The following PRUNE2 variants were observed in gnomAD, a reference collection of about 807,000 sequenced individuals.
PRUNE2 encodes the protein protein prune homolog 2.
A neutral mutation model predicts 252.0 loss-of-function variants in PRUNE2; 164 were observed. The observed-to-expected ratio is 0.65, with a 90% CI of 0.57 to 0.74. The LOEUF is 0.74. PRUNE2 is among the 30% of genes least tolerant of loss of function. PRUNE2 has a pLI of 0.00. For synonymous variants in PRUNE2, 1,292 were observed against 1,350.2 expected (o/e 0.96, Z 0.94); for missense variants, 3,495 against 3,711.0 (o/e 0.94, Z 1.51).
intron 12 of PRUNE2, among the ~76,000 whole-genome samples, chr9:76,640,894 A>G (rs1842305050): frequency 6.6e-6 from 1 of 152,240 alleles, no homozygotes; most frequent in Non-Finnish European, 1.5e-5. Context: ...AAATGTAGCA[A>G]TCTGGCTCCA....
At chr9:76,732,079 C>T (rs1330445525) in intron 6 of PRUNE2, among the ~76,000 whole-genome samples, 1 of 152,162 alleles carries the variant, frequency 6.6e-6, no homozygotes, top group Non-Finnish European at 1.5e-5. Context: ...CTTTGGAAGG[C>T]CGAGGCGGGT....
chr9:76,833,085 T>G (rs1047812287), intron 4 of PRUNE2, among the ~76,000 whole-genome samples: 4 of 152,100 alleles, frequency 2.6e-5, no homozygotes, highest in African/African-American at 9.6e-5. Flanking sequence ...TCCCAAAGAA[T>G]AGAAAATGAG....
chr9:76,805,472 T>C lies in PRUNE2; in HGVS notation c.756+18160A>G, dbSNP rs569830599. On this transcript the variant is annotated intron_variant, in intron 6 of 18. Coordinates refer to ENST00000376718, the MANE Select transcript of PRUNE2 (RefSeq NM_015225.3). ...CTCATCCCTACAAATAATTTTTTTT[T>C]AATTAGCTGCTACTCAGAAGGTTGA... Among the ~76,000 whole-genome samples, 9 of 152,220 alleles carry C rather than the reference T, an allele frequency of 5.9e-5. No homozygotes were observed. The South Asian group carries it at 1.7e-3, about 28-fold the overall frequency.
At chr9:76,883,388 G>C (rs1267775209) in intron 1 of PRUNE2, among the ~76,000 whole-genome samples, 1 of 152,150 alleles carries the variant, frequency 6.6e-6, no homozygotes, top group Non-Finnish European at 1.5e-5. Context: ...TTCATTATTT[G>C]TTCTCTCTAC....
rs1292427947 is a variant in PRUNE2 at position 76,710,205 on chromosome 9, T to A, written c.2069A>T (p.Lys690Met). ...FQSPESWKEHKPSSIDRRASD... is the reference protein window; with the variant it reads ...FQSPESWKEHMPSSIDRRASD... ...GGCTCTCCTATCAATGGAGCTTGGC[T>A]TATGCTCTTTCCATGATTCAGGGCT... is the stretch of plus-strand genomic sequence containing the variant. Residue 690 changes from lysine to methionine, a missense_variant, in exon 8 of 19, where the codon AAG (lysine) becomes ATG (methionine). Transcript: ENST00000376718. 3 of 1,613,876 alleles carry A rather than the reference T, an allele frequency of 1.9e-6. No homozygotes were observed.
At chr9:76,698,714 G>A (rs1387147873) in intron 9 of PRUNE2, among the ~76,000 whole-genome samples, 3 of 152,162 alleles carry the variant, frequency 2.0e-5, no homozygotes, top group Non-Finnish European at 2.9e-5. Flanking sequence ...ATAAGTCATA[G>A]ACAGAAAAAG....
intron 9 of PRUNE2, among the ~76,000 whole-genome samples, chr9:76,677,998 C>T (rs572285158): frequency 3.3e-5 from 5 of 152,294 alleles, no homozygotes; most frequent in African/African-American, 7.2e-5. Context: ...CCAGAGCCTG[C>T]GCCCAGAGAA....
chr9:76,780,667 G>A (rs938521570), intron 6 of PRUNE2, among the ~76,000 whole-genome samples: 2 of 152,114 alleles, frequency 1.3e-5, no homozygotes, highest in African/African-American at 4.8e-5. Flanking sequence ...CTCCAGCCTG[G>A]GCGACAGAGC....
intron 6 of PRUNE2, among the ~76,000 whole-genome samples, chr9:76,743,895 T>A (rs2049875976): frequency 6.6e-6 from 1 of 152,230 alleles, no homozygotes; most frequent in African/African-American, 2.4e-5. Context: ...ATATTTTGCA[T>A]CATTTTTCTT....
intron 1 of PRUNE2, among the ~76,000 whole-genome samples, chr9:76,880,152 A>G (rs2061695781): frequency 6.6e-6 from 1 of 151,576 alleles, no homozygotes; most frequent in South Asian, 2.1e-4. Context: ...TGACCTTGTG[A>G]TCCGCCCTCC....
chr9:76,847,990 A>T (rs2059759048), intron 3 of PRUNE2, among the ~76,000 whole-genome samples: 1 of 152,204 alleles, frequency 6.6e-6, no homozygotes, highest in Non-Finnish European at 1.5e-5. Flanking sequence ...ATGGCTGGGC[A>T]TGGTGGCTCA....
At chr9:76,744,210 T>C (rs1472372579) in intron 6 of PRUNE2, among the ~76,000 whole-genome samples, 4 of 152,230 alleles carry the variant, frequency 2.6e-5, no homozygotes, top group Non-Finnish European at 5.9e-5. Flanking sequence ...ATTATAATCA[T>C]TTATTCTGTT....
intron 1 of PRUNE2, among the ~76,000 whole-genome samples, chr9:76,871,935 C>T (rs922534799): frequency 6.6e-6 from 1 of 151,948 alleles, no homozygotes; most frequent in African/African-American, 2.4e-5. Flanking sequence ...AGCCTAGTTA[C>T]GACAATTTTC....
At chr9:76,629,370 A>C (rs1240052351) in intron 15 of PRUNE2, 80 bp from the exon 16 acceptor site, 3 of 700,110 alleles carry the variant, frequency 4.3e-6, no homozygotes, top group African/African-American at 3.6e-5. Context: ...TTTCTTGAAA[A>C]TCCTGATACT....
chr9:76,799,013 T>C (rs1190329644), intron 6 of PRUNE2, among the ~76,000 whole-genome samples: 2 of 152,212 alleles, frequency 1.3e-5, no homozygotes, highest in Non-Finnish European at 2.9e-5. Flanking sequence ...CCTGGCAGGC[T>C]TCTTATGTGG....
chr9:76,727,645 C>CTTTT (rs577095894), intron 6 of PRUNE2, among the ~76,000 whole-genome samples: 13 of 72,710 alleles, frequency 1.8e-4, no homozygotes, highest in Non-Finnish European at 2.2e-4. Context: ...TCTTCTTCTT[C>CTTTT]TTTTTTTTTT....
intron 15 of PRUNE2, among the ~76,000 whole-genome samples, chr9:76,629,807 C>G (rs1322334626): frequency 6.6e-6 from 1 of 152,138 alleles, no homozygotes; most frequent in Non-Finnish European, 1.5e-5. Context: ...CTTCTATAAG[C>G]TCAACTTTTT....
At chr9:76,837,326 C>A (rs541178389) in intron 4 of PRUNE2, among the ~76,000 whole-genome samples, 3 of 151,982 alleles carry the variant, frequency 2.0e-5, no homozygotes, top group African/African-American at 7.3e-5. Context: ...CCTGCAGTCC[C>A]AACTACTCGG....
chr9:76,834,146 G>T (rs897281437), intron 4 of PRUNE2, among the ~76,000 whole-genome samples: 2 of 151,970 alleles, frequency 1.3e-5, no homozygotes, highest in Non-Finnish European at 2.9e-5. Context: ...GCCTCCCAAG[G>T]TGCTGGGATA....
Sources: gnomAD v4.1 joint callset for allele counts (sites outside exome capture counted in the v4.1 genomes callset) on GRCh38, gnomAD v4.1.1 for gene constraint, MANE v1.5 for transcripts, NCBI Gene and HGNC (gene_info 2026-07-23, HGNC 2026-07-21) for gene names.